The following NUDCD2 variants were observed in gnomAD, a reference collection of about 807,000 sequenced individuals.
The protein encoded by NUDCD2 is NudC domain containing 2, also known as nudC domain-containing protein 2.
NUDCD2 carries 16 observed loss-of-function variants against 20.8 expected under a neutral mutation model. That is an observed-to-expected ratio of 0.77 (90% CI 0.52 to 1.17). The LOEUF is 1.17. Among genes scored for constraint, NUDCD2 ranks in the 50% most tolerant of loss-of-function variants. The pLI, the probability that NUDCD2 is intolerant of heterozygous loss-of-function variation, is 0.00. For synonymous variants in NUDCD2, 87 were observed against 72.8 expected (o/e 1.20, Z -1.00); for missense variants, 199 against 193.9 (o/e 1.03, Z -0.16).
At position 163,448,991 on chromosome 5, in the gene NUDCD2, T is replaced by C. The variant is rs188386128; in HGVS notation, c.*4976A>G. The C allele has an allele frequency of 3.0e-4, 45 of 152,372 alleles. No homozygotes were observed. The highest frequency in any genetic ancestry group is 1.1e-3 in the African/African-American group (45 of 41,594). The allele number at this position is 152,372 out of a possible 1,614,324, so 9.4% of individuals were successfully genotyped here. A position where few individuals can be genotyped will look rare whatever the true frequency, so the allele number is the denominator to read the frequency against. ...ATTTAAGAAAAGCCTACAGCTTGCA[T>C]ACATAATGGTCAAAAACAATGCTTT... On this transcript the variant is annotated 3_prime_UTR_variant, in exon 4 of 4. Transcript: ENST00000302764.
Position 163,452,550 on chromosome 5 carries a change from C to T in NUDCD2, c.*1417G>A, listed in dbSNP as rs775820086. 6 of 151,974 alleles carry T rather than the reference C, an allele frequency of 3.9e-5. No individual in the cohort carries two copies. The highest frequency in any genetic ancestry group is 1.9e-4 in the East Asian group (1 of 5,174). The allele number at this position is 151,974 out of a possible 1,614,324, so 9.4% of individuals were successfully genotyped here. A position where few individuals can be genotyped will look rare whatever the true frequency, so the allele number is the denominator to read the frequency against. On this transcript the variant is annotated 3_prime_UTR_variant, in exon 4 of 4. Coordinates refer to ENST00000302764, the MANE Select transcript of NUDCD2 (RefSeq NM_145266.6). ...AGAAAATAATGAGTTTATAGAGATA[C>T]GATAAATTTAAAGTCTGATCAGAAA...
Position 163,453,376 on chromosome 5 carries a change from C to T in NUDCD2, c.*591G>A, listed in dbSNP as rs73326035. On this transcript the variant is annotated 3_prime_UTR_variant, in exon 4 of 4. Transcript: ENST00000302764. ...GATCACACTTCTCTTTTGTGTTAAT[C>T]CACTTCTATTGTTAGGGTTTTAACT... The T allele has an allele frequency of 1.0e-3, 158 of 152,254 alleles. No individual in the cohort carries two copies. The highest frequency in any genetic ancestry group is 3.7e-3 in the African/African-American group (154 of 41,538). 9.4% of individuals were successfully genotyped at this position (152,254 alleles called of 1,614,324 possible).
chr5:163,454,451 C>G (rs9717009), intron 3 of NUDCD2, among the ~76,000 whole-genome samples: 35 of 152,162 alleles, frequency 2.3e-4, no homozygotes, highest in African/African-American at 8.2e-4. Context: ...AAGCGATTCT[C>G]CTGCCTAAGC....
At chr5:163,456,870 T>C (rs1267622650) in intron 3 of NUDCD2, 59 bp downstream of exon 3, 1 of 1,125,754 alleles carries the variant, frequency 8.9e-7, no homozygotes, top group Non-Finnish European at 1.2e-6. Flanking sequence ...ATTTCAAATA[T>C]TTATTTGATG....
chr5:163,458,021 C>G (rs1476919822), intron 1 of NUDCD2, among the ~76,000 whole-genome samples: 1 of 110,730 alleles, frequency 9.0e-6, no homozygotes, highest in East Asian at 3.2e-4. Flanking sequence ...CAGAGTTTCG[C>G]TCTGTCGCCC....
chr5:163,454,262 A>G (rs1345270581), intron 3 of NUDCD2, among the ~76,000 whole-genome samples: 1 of 152,196 alleles, frequency 6.6e-6, no homozygotes, highest in Non-Finnish European at 1.5e-5. Context: ...TGTACACTAC[A>G]ATGTTGGCAA....
intron 1 of NUDCD2, among the ~76,000 whole-genome samples, chr5:163,457,964 A>C: frequency 6.7e-6 from 1 of 150,256 alleles, no homozygotes; most frequent in African/African-American, 2.4e-5. Flanking sequence ...TCCTGCTAAA[A>C]CTAAAAAATG....
intron 1 of NUDCD2, chr5:163,459,098 T>C (rs1758402115): frequency 6.6e-6 from 1 of 152,174 alleles, no homozygotes; most frequent in Admixed American, 6.5e-5. Flanking sequence ...ATAAGGAAGA[T>C]ATAGAGACAC....
chr5:163,458,421 A>G lies in NUDCD2; in HGVS notation c.190-811T>C, dbSNP rs546710487. On this transcript the variant is annotated intron_variant, in intron 1 of 3. Coordinates refer to ENST00000302764, the MANE Select transcript of NUDCD2 (RefSeq NM_145266.6). ...ACAAACTCATGTTTTTTAAAAAAAT[A>G]AACAAAATATAAATTTAAAAGAGAC... Among the ~76,000 whole-genome samples, 573 of 152,246 alleles carry G rather than the reference A, an allele frequency of 3.8e-3. 5 individuals are homozygous for G. Among genetic ancestry groups the G allele is most frequent in the African/African-American group, 0.013 (551 of 41,538 alleles).
Position 163,452,628 on chromosome 5 carries a change from C to G in NUDCD2, c.*1339G>C, listed in dbSNP as rs1334785589. ...CAAGAAATAATTATAAAAATAACTA[C>G]AGTGGAGAAGTCTGGCAGACACTAC... On this transcript the variant is annotated 3_prime_UTR_variant, in exon 4 of 4. Transcript: ENST00000302764. The G allele has an allele frequency of 6.6e-6, 1 of 152,114 alleles. No homozygotes were observed. Among genetic ancestry groups the G allele is most frequent in the African/African-American group, 2.4e-5 (1 of 41,416 alleles). The allele number at this position is 152,114 out of a possible 1,614,324, so 9.4% of individuals were successfully genotyped here.
intron 3 of NUDCD2, among the ~76,000 whole-genome samples, chr5:163,456,672 A>G (rs1758319055): frequency 6.6e-6 from 1 of 152,214 alleles, no homozygotes; most frequent in Non-Finnish European, 1.5e-5. Context: ...GTAAGAGTTT[A>G]TTCATGCATT....
rs1012886524 is a variant in NUDCD2 at position 163,448,514 on chromosome 5, A to G, written c.*5453T>C. 2.0e-5 allele frequency: 3 copies of G among 152,212 alleles called. No individual in the cohort carries two copies. Among genetic ancestry groups the G allele is most frequent in the Non-Finnish European group, 4.4e-5 (3 of 68,038 alleles). The allele number at this position is 152,212 out of a possible 1,614,324, so 9.4% of individuals were successfully genotyped here. On this transcript the variant is annotated 3_prime_UTR_variant, in exon 4 of 4. Coordinates refer to ENST00000302764, the MANE Select transcript of NUDCD2 (RefSeq NM_145266.6). ...CTCAATAAATTCTCTATTTTTAAAAATTGAACCATTGTTTAAAACCTTACT... is the reference window on the plus strand; with the variant it reads ...CTCAATAAATTCTCTATTTTTAAAAGTTGAACCATTGTTTAAAACCTTACT...
intron 1 of NUDCD2, chr5:163,459,115 A>G (rs1758403075): frequency 6.6e-6 from 1 of 152,194 alleles, no homozygotes; most frequent in Non-Finnish European, 1.5e-5. Context: ...ACACTGAACA[A>G]TCTCTCGCCC....
rs1175878981 is a variant in NUDCD2, at chr5:163,452,463, ATG to A, written c.*1502_*1503del. On this transcript the variant is annotated 3_prime_UTR_variant, in exon 4 of 4. Coordinates refer to ENST00000302764, the MANE Select transcript of NUDCD2 (RefSeq NM_145266.6). ...CCCAGAATGGACTTCTACCAGCCAAATGTACAATAATTTTGAGCACCAATGTA... is the reference window on the plus strand; with the variant it reads ...CCCAGAATGGACTTCTACCAGCCAAATACAATAATTTTGAGCACCAATGTA... 1.3e-5 allele frequency: 2 copies of A among 152,316 alleles called. No homozygotes were observed. The highest frequency in any genetic ancestry group is 4.8e-5 in the African/African-American group (2 of 41,566). The allele number at this position is 152,316 out of a possible 1,614,324, so 9.4% of individuals were successfully genotyped here. A position where few individuals can be genotyped will look rare whatever the true frequency, so the allele number is the denominator to read the frequency against.
At position 163,448,455 on chromosome 5, in the gene NUDCD2, T is replaced by G. The variant is rs548220352; in HGVS notation, c.*5512A>C. The stretch of plus-strand genomic sequence containing the variant: ...ACATAGGATTAGATGAACCAATTCC[T>G]TGAAAGGCATACAGTACCCAAACTT... On this transcript the variant is annotated 3_prime_UTR_variant, in exon 4 of 4. Transcript: ENST00000302764. The G allele has an allele frequency of 3.3e-5, 5 of 152,262 alleles. No individual in the cohort carries two copies. The highest frequency in any genetic ancestry group is 6.5e-5 in the Admixed American group (1 of 15,292). The allele number at this position is 152,262 out of a possible 1,614,324, so 9.4% of individuals were successfully genotyped here.
rs907923154 is a variant in NUDCD2 at position 163,450,643 on chromosome 5, T to C, written c.*3324A>G. The stretch of plus-strand genomic sequence containing the variant: ...CCCATTTCATATCCACTAGAGTGAC[T>C]AAAATCAAAATGTCAGGTAAACAAG... On this transcript the variant is annotated 3_prime_UTR_variant, in exon 4 of 4. Transcript: ENST00000302764. 2.0e-5 allele frequency: 3 copies of C among 152,160 alleles called. No homozygotes were observed. The highest frequency in any genetic ancestry group is 4.8e-5 in the African/African-American group (2 of 41,434). 9.4% of individuals were successfully genotyped at this position (152,160 alleles called of 1,614,324 possible).
In NUDCD2 at chr5:163,453,360, T is replaced by G. The variant is rs138868069; in HGVS notation, c.*607A>C. The stretch of plus-strand genomic sequence containing the variant: ...CTCACCTAATTACCATGATCACACT[T>G]CTCTTTTGTGTTAATCCACTTCTAT... On this transcript the variant is annotated 3_prime_UTR_variant, in exon 4 of 4. Coordinates refer to ENST00000302764, the MANE Select transcript of NUDCD2 (RefSeq NM_145266.6). The G allele has an allele frequency of 6.6e-6, 1 of 152,308 alleles. No homozygotes were observed. Among genetic ancestry groups the G allele is most frequent in the African/African-American group, 2.4e-5 (1 of 41,548 alleles). 9.4% of individuals were successfully genotyped at this position (152,308 alleles called of 1,614,324 possible). A position where few individuals can be genotyped will look rare whatever the true frequency, so the allele number is the denominator to read the frequency against.
chr5:163,457,506 A>G, intron 2 of NUDCD2, 56 bp downstream of exon 2: 1 of 1,033,334 alleles, frequency 9.7e-7, no homozygotes, highest in Non-Finnish European at 1.5e-6. Flanking sequence ...ACAAAAGAGG[A>G]AAAGATATCA....
Position 163,452,923 on chromosome 5 carries a change from G to C in NUDCD2, c.*1044C>G, listed in dbSNP as rs1300550754. 4 of 152,208 alleles carry C rather than the reference G, an allele frequency of 2.6e-5. No homozygotes were observed. Among genetic ancestry groups the C allele is most frequent in the African/African-American group, 7.2e-5 (3 of 41,444 alleles). The allele number at this position is 152,208 out of a possible 1,614,324, so 9.4% of individuals were successfully genotyped here. A position where few individuals can be genotyped will look rare whatever the true frequency, so the allele number is the denominator to read the frequency against. The stretch of plus-strand genomic sequence containing the variant: ...ACATCTAAATGAAAGGCATGATTCT[G>C]ACTGGATCCTCTTGCTATATGGACA... On this transcript the variant is annotated 3_prime_UTR_variant, in exon 4 of 4. Coordinates refer to ENST00000302764, the MANE Select transcript of NUDCD2 (RefSeq NM_145266.6).
Sources: allele counts gnomAD v4.1 joint callset (sites outside exome capture counted in the v4.1 genomes callset), GRCh38; gene constraint gnomAD v4.1.1; transcripts MANE v1.5; gene names NCBI Gene and HGNC (gene_info 2026-07-23, HGNC 2026-07-21).